MSH3: variants seen among roughly 807,000 people sequenced by gnomAD.
The protein encoded by MSH3 is DNA mismatch repair protein Msh3.
In MSH3, 106 loss-of-function variants were observed where a neutral mutation model predicts 123.3. The ratio of observed to expected loss-of-function variants is 0.86; its 90% CI spans 0.73 to 1.01. MSH3 has a LOEUF of 1.01. Ranked by LOEUF, MSH3 falls within the 50% of genes least tolerant of loss-of-function variation. The pLI is 0.00. For synonymous variants in MSH3, 515 were observed against 481.4 expected, an observed-to-expected ratio of 1.07 and a Z score of -0.91; for missense variants, 1,459 against 1,347.6, an observed-to-expected ratio of 1.08 and a Z score of -1.29.
At chr5:80,666,929 A>G (rs192451614) in intron 3 of MSH3, among the ~76,000 whole-genome samples, 8 of 152,334 alleles carry the variant, frequency 5.3e-5, no homozygotes, top group Admixed American at 2.0e-4. Context: ...CTCTGGGAAT[A>G]TGAAATAGAA....
chr5:80,766,245 C>A lies in MSH3; in HGVS notation c.1897-1688C>A, dbSNP rs537474660. On this transcript the variant is annotated intron_variant, in intron 13 of 23. Coordinates refer to ENST00000265081, the MANE Select transcript of MSH3 (RefSeq NM_002439.5). ...TTAAGGACAGTTTAAAATTCAGATA[C>A]CTTGAGTCTTTTAAGTCAATTACTG... 5.9e-5 allele frequency among the ~76,000 whole-genome samples: 9 copies of A among 151,960 alleles called. No homozygotes were observed. The South Asian group carries it at 1.7e-3, about 28-fold the overall frequency.
intron 19 of MSH3, among the ~76,000 whole-genome samples, chr5:80,810,708 G>A (rs1350269987): frequency 6.6e-6 from 1 of 152,050 alleles, no homozygotes; most frequent in East Asian, 1.9e-4. Context: ...TTATAATACT[G>A]AGTCATCCAG....
At chr5:80,751,067 G>T (rs1037159413) in intron 12 of MSH3, among the ~76,000 whole-genome samples, 3 of 152,078 alleles carry the variant, frequency 2.0e-5, no homozygotes, top group Non-Finnish European at 4.4e-5. Context: ...TGTACAAGGG[G>T]TCTTCAGAAA....
At chr5:80,691,013 TTAA>T (rs1206978965) in intron 8 of MSH3, among the ~76,000 whole-genome samples, 5 of 151,896 alleles carry the variant, frequency 3.3e-5, no homozygotes, top group African/African-American at 1.2e-4. Flanking sequence ...ATTTAATATA[TTAA>T]TATGATTAAT....
chr5:80,857,665 G>A (rs245352), intron 21 of MSH3, among the ~76,000 whole-genome samples: 131,153 of 152,228 alleles, frequency 0.86, 56,580 homozygotes, highest in East Asian at 1. Flanking sequence ...AAGGTTACCA[G>A]ATTTGTGGAC....
At chr5:80,655,240 A>T in intron 1 of MSH3, 1 of 311,206 alleles carries the variant, frequency 3.2e-6, no homozygotes, top group Non-Finnish European at 5.8e-6. Flanking sequence ...TCCCATTCTG[A>T]TGAGGGGGCT....
At chr5:80,837,765 C>T (rs1745542875) in intron 20 of MSH3, among the ~76,000 whole-genome samples, 1 of 152,190 alleles carries the variant, frequency 6.6e-6, no homozygotes, top group Admixed American at 6.5e-5. Context: ...ATCAACATTT[C>T]TGTGGTTCAT....
At chr5:80,683,307 C>G (rs1750014279) in intron 8 of MSH3, among the ~76,000 whole-genome samples, 1 of 152,040 alleles carries the variant, frequency 6.6e-6, no homozygotes, top group African/African-American at 2.4e-5. Flanking sequence ...AGTGGTTGTA[C>G]TAATTTACAT....
intron 20 of MSH3, among the ~76,000 whole-genome samples, chr5:80,852,425 T>C (rs1745845928): frequency 6.6e-6 from 1 of 152,216 alleles, no homozygotes; most frequent in Non-Finnish European, 1.5e-5. Context: ...CATCAGAATG[T>C]TCTGTTATCA....
At position 80,691,836 on chromosome 5, in the gene MSH3, T is replaced by C. The variant is rs1750262792; in HGVS notation, c.1340+12743T>C. ...ATATATGTATGTTTATATAGATAAA[T>C]AAACATGTATATATTTATATAGCTA... On this transcript the variant is annotated intron_variant, in intron 8 of 23. Transcript: ENST00000265081. Among the ~76,000 whole-genome samples, 2 of 147,770 alleles carry C rather than the reference T, an allele frequency of 1.4e-5. 1 individual carries two copies. Among genetic ancestry groups the C allele is most frequent in the Non-Finnish European group, 3.0e-5 (2 of 67,068 alleles).
At chr5:80,693,607 A>G (rs1750394168) in intron 8 of MSH3, among the ~76,000 whole-genome samples, 3 of 134,456 alleles carry the variant, frequency 2.2e-5, no homozygotes, top group African/African-American at 8.8e-5. Flanking sequence ...AAACATACAT[A>G]TATACACACA....
At chr5:80,769,425 T>TATAG (rs1744178539) in intron 15 of MSH3, among the ~76,000 whole-genome samples, 1 of 151,642 alleles carries the variant, frequency 6.6e-6, no homozygotes. Flanking sequence ...AAGTTAAGAG[T>TATAG]ATAGCTGCTA....
chr5:80,820,836 C>G (rs763968466), intron 20 of MSH3, among the ~76,000 whole-genome samples: 7 of 152,160 alleles, frequency 4.6e-5, no homozygotes, highest in African/African-American at 1.7e-4. Context: ...ATTAGTCTGT[C>G]CTGACAACAC....
At chr5:80,808,848 A>G (rs1406645707) in intron 19 of MSH3, among the ~76,000 whole-genome samples, 2 of 51,972 alleles carry the variant, frequency 3.8e-5, no homozygotes, top group East Asian at 5.1e-4. Context: ...TTTGGGTAAT[A>G]TATCTTCTTC....
intron 20 of MSH3, among the ~76,000 whole-genome samples, chr5:80,841,602 T>G (rs1394040806): frequency 6.6e-6 from 1 of 152,258 alleles, no homozygotes; most frequent in Non-Finnish European, 1.5e-5. Context: ...TTGTTCTAAC[T>G]GGAATGAGAT....
chr5:80,692,805 A>G (rs1321452904), intron 8 of MSH3, among the ~76,000 whole-genome samples: 1 of 132,282 alleles, frequency 7.6e-6, no homozygotes, highest in Non-Finnish European at 1.7e-5. Flanking sequence ...ACACATGTAT[A>G]TGTTTAGATA....
chr5:80,740,915 C>T (rs1312656406), intron 10 of MSH3, among the ~76,000 whole-genome samples: 2 of 151,394 alleles, frequency 1.3e-5, no homozygotes, highest in Non-Finnish European at 2.9e-5. Flanking sequence ...GAGGTTTTGC[C>T]GTGTTGGCCA....
intron 8 of MSH3, among the ~76,000 whole-genome samples, chr5:80,702,849 T>C (rs1314126560): frequency 2.6e-5 from 4 of 152,054 alleles, no homozygotes; most frequent in Admixed American, 6.5e-5. Context: ...CTGTCTTTAC[T>C]AAACATACAA....
chr5:80,746,178 C>A (rs780198494), intron 12 of MSH3, among the ~76,000 whole-genome samples: 13 of 152,136 alleles, frequency 8.5e-5, no homozygotes, highest in Non-Finnish European at 1.8e-4. Flanking sequence ...GGTTTGGAAT[C>A]CGTATTCACA....
Sources: allele counts gnomAD v4.1 joint callset (sites outside exome capture counted in the v4.1 genomes callset), GRCh38; gene constraint gnomAD v4.1.1; transcripts MANE v1.5; gene names NCBI Gene and HGNC (gene_info 2026-07-23, HGNC 2026-07-21).